Variants in EPHA6 observed in about 807,000 individuals in gnomAD.
EPHA6 encodes the protein EPH receptor A6.
In EPHA6, 50 loss-of-function variants were observed where a neutral mutation model predicts 112.0. The ratio of observed to expected loss-of-function variants is 0.45; its 90% CI spans 0.36 to 0.56. The LOEUF is 0.56. Ranked by LOEUF, EPHA6 falls within the 20% of genes least tolerant of loss-of-function variation. The probability of loss-of-function intolerance (pLI) is 0.00; values close to 1 mark genes in which losing one functional copy is unlikely to be tolerated. For synonymous variants in EPHA6, 529 were observed against 490.7 expected (o/e 1.08, Z -1.03); for missense variants, 1,280 against 1,417.4 (o/e 0.90, Z 1.56).
intron 14 of EPHA6, among the ~76,000 whole-genome samples, chr3:97,705,418 T>A (rs1485315961): frequency 6.6e-6 from 1 of 152,194 alleles, no homozygotes; most frequent in African/African-American, 2.4e-5. Context: ...TCACATCTCA[T>A]GGCATCATTT....
Position 97,434,470 on chromosome 3 carries a change from C to T in EPHA6, c.1732-14098C>T, listed in dbSNP as rs564915186. On this transcript the variant is annotated intron_variant, in intron 6 of 17. Coordinates refer to ENST00000389672, the MANE Select transcript of EPHA6 (RefSeq NM_001080448.3). ...TGTCATTTCAGGCTAAAAAGTCATA[C>T]GTCCTTCCAAAGAACCAGATAATTG... 4.6e-5 allele frequency among the ~76,000 whole-genome samples: 7 copies of T among 152,180 alleles called. No homozygotes were observed. In the South Asian group the frequency reaches 6.2e-4, roughly 14 times the overall value.
chr3:97,397,604 A>G (rs549874149), intron 5 of EPHA6, among the ~76,000 whole-genome samples: 3 of 151,674 alleles, frequency 2.0e-5, no homozygotes, highest in East Asian at 3.9e-4. Context: ...TGCTTAATAT[A>G]TATTGATTCA....
chr3:97,061,317 A>G (rs1266441212), intron 3 of EPHA6, among the ~76,000 whole-genome samples: 1 of 152,208 alleles, frequency 6.6e-6, no homozygotes, highest in African/African-American at 2.4e-5. Flanking sequence ...AGACAGAGGT[A>G]CATACGGGGA....
intron 1 of EPHA6, among the ~76,000 whole-genome samples, chr3:96,858,750 A>C (rs1484130738): frequency 6.6e-6 from 1 of 152,108 alleles, no homozygotes; most frequent in East Asian, 1.9e-4. Flanking sequence ...AAATGGGGAT[A>C]GATGTCCAGG....
chr3:96,925,487 G>T (rs1384243728), intron 2 of EPHA6, among the ~76,000 whole-genome samples: 1 of 151,580 alleles, frequency 6.6e-6, no homozygotes, highest in Non-Finnish European at 1.5e-5. Flanking sequence ...GGTCAGTGGT[G>T]TTATTTCCTT....
intron 1 of EPHA6, among the ~76,000 whole-genome samples, chr3:96,854,798 G>T (rs1576151977): frequency 6.6e-6 from 1 of 152,246 alleles, no homozygotes; most frequent in East Asian, 1.9e-4. Context: ...GACCCTAGTT[G>T]AGTTAAATGG....
intron 5 of EPHA6, among the ~76,000 whole-genome samples, chr3:97,394,199 G>C (rs1190252135): frequency 6.6e-6 from 1 of 151,718 alleles, no homozygotes; most frequent in Non-Finnish European, 1.5e-5. Context: ...TGACATTGCT[G>C]GGAAAACAAA....
chr3:97,757,537 T>C lies in EPHA6; in HGVS notation c.*8836T>C, dbSNP rs1480353816. ...TTGGACTGCCATAGCACTTTAAACA[T>C]ATTAATAAATTATCCCATGGATAAT... is the stretch of plus-strand genomic sequence containing the variant. On this transcript the variant is annotated 3_prime_UTR_variant, in exon 18 of 18. Transcript: ENST00000389672. 6.6e-6 allele frequency among the ~76,000 whole-genome samples: 1 copy of C among 151,636 alleles called. No individual in the cohort carries two copies. Among genetic ancestry groups the C allele is most frequent in the African/African-American group, 2.4e-5 (1 of 41,406 alleles).
intron 5 of EPHA6, among the ~76,000 whole-genome samples, chr3:97,358,598 C>T (rs961666328): frequency 7.2e-5 from 11 of 152,008 alleles, no homozygotes; most frequent in African/African-American, 2.4e-4. Context: ...AACCTTTGTA[C>T]AATAATACTT....
intron 5 of EPHA6, among the ~76,000 whole-genome samples, chr3:97,325,473 C>T (rs1271749644): frequency 2.0e-5 from 3 of 152,086 alleles, no homozygotes; most frequent in Non-Finnish European, 4.4e-5. Flanking sequence ...CTTATGGCCT[C>T]ATTTTAACTC....
chr3:97,466,527 C>G, intron 7 of EPHA6: 1 of 843,434 alleles, frequency 1.2e-6, no homozygotes. Flanking sequence ...GGGCCAAATC[C>G]AGGCTCTCCA....
intron 16 of EPHA6, among the ~76,000 whole-genome samples, chr3:97,746,464 CA>C (rs2035719751): frequency 6.6e-6 from 1 of 151,590 alleles, no homozygotes; most frequent in African/African-American, 2.4e-5. Context: ...GAAACTAATA[CA>C]ATTTATTGTC....
intron 7 of EPHA6, among the ~76,000 whole-genome samples, chr3:97,465,733 G>GA (rs112809465): frequency 0.047 from 7,190 of 152,038 alleles, 567 homozygotes; most frequent in African/African-American, 0.16. Context: ...ACCTGGCATT[G>GA]TGGTTAGCCG....
At chr3:97,126,902 A>AC (rs992486427) in intron 3 of EPHA6, among the ~76,000 whole-genome samples, 10 of 151,714 alleles carry the variant, frequency 6.6e-5, no homozygotes, top group African/African-American at 1.9e-4. Context: ...AAGGTGAAAA[A>AC]AAAAAAAAAG....
intron 5 of EPHA6, among the ~76,000 whole-genome samples, chr3:97,330,682 A>G (rs1056444261): frequency 2.0e-5 from 3 of 152,132 alleles, no homozygotes; most frequent in Admixed American, 6.6e-5. Context: ...GATCAATTCA[A>G]CAAGAAGAGC....
At chr3:97,464,280 A>G (rs977154153) in intron 7 of EPHA6, among the ~76,000 whole-genome samples, 2 of 152,060 alleles carry the variant, frequency 1.3e-5, no homozygotes, top group Non-Finnish European at 2.9e-5. Context: ...ACAGTCTTCC[A>G]AACTCCTGCC....
intron 2 of EPHA6, among the ~76,000 whole-genome samples, chr3:96,975,068 A>G (rs929109408): frequency 4.6e-5 from 7 of 152,140 alleles, no homozygotes; most frequent in Non-Finnish European, 7.3e-5. Context: ...AGGGAAAGAC[A>G]GGGCGGAGCA....
intron 10 of EPHA6, among the ~76,000 whole-genome samples, chr3:97,500,467 G>A (rs2092090156): frequency 6.6e-6 from 1 of 152,030 alleles, no homozygotes; most frequent in Admixed American, 6.6e-5. Flanking sequence ...GGAGGGGCAG[G>A]TGCTACATAC....
At chr3:97,694,319 C>T (rs1037207443) in intron 14 of EPHA6, among the ~76,000 whole-genome samples, 1 of 151,946 alleles carries the variant, frequency 6.6e-6, no homozygotes, top group Non-Finnish European at 1.5e-5. Context: ...TCACTGCAAC[C>T]TTTGCCTCCC....
Sources: gnomAD v4.1 joint callset for allele counts (sites outside exome capture counted in the v4.1 genomes callset) on GRCh38, gnomAD v4.1.1 for gene constraint, MANE v1.5 for transcripts, NCBI Gene and HGNC (gene_info 2026-07-23, HGNC 2026-07-21) for gene names.